Variants in ARMC2 observed in about 807,000 individuals in gnomAD.
ARMC2 encodes the protein armadillo repeat containing 2, also known as armadillo repeat-containing protein 2.
ARMC2 carries 67 observed loss-of-function variants against 90.3 expected under a neutral mutation model. That is an observed-to-expected ratio of 0.74 (90% CI 0.61 to 0.91). The LOEUF is 0.91. Ranked by LOEUF, ARMC2 falls within the 40% of genes least tolerant of loss-of-function variation. The pLI is 0.00. For synonymous variants in ARMC2, 393 were observed against 393.0 expected (o/e 1.00, Z 0.00); for missense variants, 920 against 1,030.9 (o/e 0.89, Z 1.47).
chr6:109,019,656 T>C, the ARMC2 span, among the ~76,000 whole-genome samples: 1 of 152,210 alleles, frequency 6.6e-6, no homozygotes, highest in Non-Finnish European at 1.5e-5. Context: ...TCATAAAAAT[T>C]TGACCTAATA....
intron 3 of ARMC2, among the ~76,000 whole-genome samples, chr6:108,865,945 A>T (rs1775769437): frequency 6.6e-6 from 1 of 151,394 alleles, no homozygotes; most frequent in Non-Finnish European, 1.5e-5. Flanking sequence ...TGAGACCAGG[A>T]AGTCAAGGCT....
At chr6:109,049,133 C>CA in the ARMC2 span, among the ~76,000 whole-genome samples, 283 of 150,918 alleles carry the variant, frequency 1.9e-3, 2 homozygotes, top group African/African-American at 6.6e-3. Context: ...AAGTTGGTAT[C>CA]AAAAAAAAGA....
At chr6:108,898,302 C>T (rs1562365421) in intron 6 of ARMC2, among the ~76,000 whole-genome samples, 1 of 152,174 alleles carries the variant, frequency 6.6e-6, no homozygotes. Flanking sequence ...CTCTTCCAAC[C>T]TCTCACCTTC....
Position 108,973,587 on chromosome 6 carries a change from C to T in ARMC2, c.*73C>T. The T allele has an allele frequency of 7.2e-7, 1 of 1,383,636 alleles. No homozygotes were observed. The highest frequency in any genetic ancestry group is 1.9e-4 in the Middle Eastern group (1 of 5,274). The allele number at this position is 1,383,636 out of a possible 1,614,324, so 85.7% of individuals were successfully genotyped here. A position where few individuals can be genotyped will look rare whatever the true frequency, so the allele number is the denominator to read the frequency against. On this transcript the variant is annotated 3_prime_UTR_variant, in exon 18 of 18. Transcript: ENST00000392644. ...CTTAAGAACTGGTAACAAACGTGAA[C>T]ATTTTTTTCAGCATTAACAAATGTG...
chr6:108,896,888 G>A (rs1583042918), intron 6 of ARMC2, among the ~76,000 whole-genome samples: 1 of 152,052 alleles, frequency 6.6e-6, no homozygotes, highest in East Asian at 1.9e-4. Flanking sequence ...TTATAAATAT[G>A]TATCAATTAA....
the ARMC2 span, among the ~76,000 whole-genome samples, chr6:109,032,051 C>T: frequency 6.6e-6 from 1 of 152,102 alleles, no homozygotes; most frequent in Non-Finnish European, 1.5e-5. Context: ...CCGCGGATCA[C>T]CTGAGGTCGA....
the ARMC2 span, among the ~76,000 whole-genome samples, chr6:108,981,562 G>A: frequency 6.6e-6 from 1 of 151,994 alleles, no homozygotes; most frequent in East Asian, 1.9e-4. Flanking sequence ...TATAAGTGGA[G>A]CCATACAATA....
downstream of ARMC2, among the ~76,000 whole-genome samples, chr6:108,978,096 G>A (rs1779020417): frequency 6.6e-6 from 1 of 152,126 alleles, no homozygotes; most frequent in African/African-American, 2.4e-5. Context: ...ATGTTAGGGT[G>A]TCGAATTTAG....
the ARMC2 span, among the ~76,000 whole-genome samples, chr6:108,988,049 C>G: frequency 6.6e-6 from 1 of 152,140 alleles, no homozygotes; most frequent in African/African-American, 2.4e-5. Flanking sequence ...CTGCCTTGGC[C>G]TCCCCAAGTG....
At chr6:109,036,629 AT>A in the ARMC2 span, among the ~76,000 whole-genome samples, 3 of 152,058 alleles carry the variant, frequency 2.0e-5, no homozygotes, top group East Asian at 1.9e-4. Context: ...GATAAAAAAA[AT>A]TTTTTTTAGG....
chr6:108,983,177 A>G, the ARMC2 span, among the ~76,000 whole-genome samples: 1 of 151,964 alleles, frequency 6.6e-6, no homozygotes, highest in African/African-American at 2.4e-5. Context: ...CTGGATATTA[A>G]CCTCTTATCA....
intron 5 of ARMC2, among the ~76,000 whole-genome samples, chr6:108,886,731 T>C (rs1430674366): frequency 6.6e-6 from 1 of 152,164 alleles, no homozygotes; most frequent in Non-Finnish European, 1.5e-5. Flanking sequence ...AATGTAACCA[T>C]GTAGTACCTG....
chr6:109,046,423 C>T, the ARMC2 span, among the ~76,000 whole-genome samples: 3 of 150,890 alleles, frequency 2.0e-5, no homozygotes, highest in South Asian at 2.1e-4. Context: ...GGCATGATCT[C>T]GGCTCACTAC....
chr6:108,950,836 A>G (rs1240828818), intron 12 of ARMC2, among the ~76,000 whole-genome samples: 4 of 152,150 alleles, frequency 2.6e-5, no homozygotes, highest in Admixed American at 1.3e-4. Flanking sequence ...TCCCTTCCAC[A>G]TATCTCTGCA....
chr6:109,040,484 C>T, the ARMC2 span, among the ~76,000 whole-genome samples: 2 of 152,060 alleles, frequency 1.3e-5, no homozygotes, highest in Non-Finnish European at 2.9e-5. Flanking sequence ...GTGCCATTCT[C>T]ATTCCTTGTG....
the ARMC2 span, chr6:109,000,030 T>A: frequency 6.6e-6 from 1 of 152,154 alleles, no homozygotes; most frequent in African/African-American, 2.4e-5. Context: ...AAGAAGCCAG[T>A]CTGAAAAGCT....
intron 4 of ARMC2, among the ~76,000 whole-genome samples, chr6:108,874,644 C>T (rs1776759598): frequency 6.6e-6 from 1 of 152,124 alleles, no homozygotes; most frequent in African/African-American, 2.4e-5. Flanking sequence ...AATCTCACCA[C>T]ATCCCCAAGA....
intron 11 of ARMC2, among the ~76,000 whole-genome samples, chr6:108,929,381 T>A (rs1297394763): frequency 6.6e-6 from 1 of 152,210 alleles, no homozygotes; most frequent in African/African-American, 2.4e-5. Flanking sequence ...AATTTCAGGT[T>A]TGTTTCTGGG....
the ARMC2 span, among the ~76,000 whole-genome samples, chr6:108,982,844 G>A: frequency 1.4e-4 from 19 of 136,312 alleles, no homozygotes; most frequent in African/African-American, 2.8e-4. Context: ...ATGAAGTCTC[G>A]CTCTGTCACC....
Sources: gnomAD v4.1 joint callset for allele counts (sites outside exome capture counted in the v4.1 genomes callset) on GRCh38, gnomAD v4.1.1 for gene constraint, MANE v1.5 for transcripts, NCBI Gene and HGNC (gene_info 2026-07-23, HGNC 2026-07-21) for gene names.